The following CDYL2 variants were observed in gnomAD, a reference collection of about 807,000 sequenced individuals.
CDYL2 encodes the protein chromodomain Y-like protein 2.
Under a neutral mutation model 49.4 loss-of-function variants are expected in CDYL2, and 23 were observed. The ratio of observed to expected loss-of-function variants is 0.47; its 90% confidence interval spans 0.34 to 0.66. CDYL2 has a LOEUF of 0.66. CDYL2 is among the 30% of genes least tolerant of loss of function. The probability of loss-of-function intolerance (pLI) is 0.01; values close to 1 mark genes in which losing one functional copy is unlikely to be tolerated. For synonymous variants in CDYL2, 360 were observed against 268.8 expected (o/e 1.34, Z -3.32); for missense variants, 678 against 656.4 (o/e 1.03, Z -0.36).
At chr16:80,639,849 G>T (rs1368429425) in intron 2 of CDYL2, 3 of 397,744 alleles carry the variant, frequency 7.5e-6, no homozygotes, top group Non-Finnish European at 1.5e-5. Context: ...ACTCACTGTT[G>T]TCCTGTTATA....
chr16:80,612,974 C>T lies in CDYL2; in HGVS notation c.1008-138G>A. ...GAGGTGCCAGGCAAGGGCCTCATTG[C>T]CTGGACATGGAACCACCAGCTGTCA... On this transcript the variant is annotated intron_variant, in intron 4 of 6. Transcript: ENST00000570137. The surrounding 1 kb of genome is among the most constrained non-coding windows in gnomAD (Gnocchi z 5.0). The T allele has an allele frequency of 1.4e-6, 1 of 692,226 alleles. No individual in the cohort carries two copies. Among genetic ancestry groups the T allele is most frequent in the Non-Finnish European group, 2.3e-6 (1 of 427,524 alleles). The allele number at this position is 692,226 out of a possible 1,614,324, so 42.9% of individuals were successfully genotyped here.
At chr16:80,691,844 C>T (rs767985808) in intron 1 of CDYL2, among the ~76,000 whole-genome samples, 1 of 151,866 alleles carries the variant, frequency 6.6e-6, no homozygotes, top group Admixed American at 6.6e-5. Flanking sequence ...ATGAAAAAAA[C>T]GATTCATTTA....
chr16:80,650,473 T>A (rs1287384753), intron 2 of CDYL2, among the ~76,000 whole-genome samples: 1 of 152,106 alleles, frequency 6.6e-6, no homozygotes, highest in Non-Finnish European at 1.5e-5. Flanking sequence ...CAGTAACAAA[T>A]GCAGGAGAGG....
rs1910126459 is a variant in CDYL2, at chr16:80,684,938, G to A, written c.216C>T (p.Ser72=). The A allele has an allele frequency of 1.2e-6, 2 of 1,614,180 alleles. No individual in the cohort carries two copies. ...KDKRIKSGKQ[S]STSKLLRDSR... ...TGTCACGCAGCAGCTTGGAGGTACTGGACTGCTTCCCTGACTTGATCCTCT... is the reference window on the plus strand; with the variant it reads ...TGTCACGCAGCAGCTTGGAGGTACTAGACTGCTTCCCTGACTTGATCCTCT... Residue 72 remains serine, a synonymous_variant, in exon 2 of 7, where the codon TCC becomes TCT. Coordinates refer to ENST00000570137, the MANE Select transcript of CDYL2 (RefSeq NM_152342.4).
intron 1 of CDYL2, among the ~76,000 whole-genome samples, chr16:80,770,238 T>C (rs1906861481): frequency 6.6e-6 from 1 of 152,218 alleles, no homozygotes; most frequent in Non-Finnish European, 1.5e-5. Flanking sequence ...AGGACTTTAC[T>C]GCAGATTAAA....
chr16:80,763,329 G>C (rs796378319), intron 1 of CDYL2, among the ~76,000 whole-genome samples: 12 of 2,214 alleles, frequency 5.4e-3, no homozygotes, highest in Non-Finnish European at 0.011. Flanking sequence ...TTTTCACCAG[G>C]GCTGGGTGAG....
chr16:80,613,398 G>C (rs1379546458), intron 4 of CDYL2, among the ~76,000 whole-genome samples: 1 of 152,184 alleles, frequency 6.6e-6, no homozygotes, highest in Non-Finnish European at 1.5e-5. Context: ...TCAAGCTTCA[G>C]ATGGTGGGTA....
intron 2 of CDYL2, among the ~76,000 whole-genome samples, chr16:80,676,963 A>ATTTTTTTT (rs35188796): frequency 3.3e-5 from 2 of 60,086 alleles, no homozygotes; most frequent in Admixed American, 1.9e-4. Context: ...AATTCAATGT[A>ATTTTTTTT]TTTTTTTTTT....
At chr16:80,803,858 C>T (rs1027074544) in intron 1 of CDYL2, among the ~76,000 whole-genome samples, 1 of 146,930 alleles carries the variant, frequency 6.8e-6, no homozygotes, top group African/African-American at 2.5e-5. Flanking sequence ...CGGCTCCGCC[C>T]GGCTTCCTCC....
chr16:80,782,530 G>GAAAAA (rs1188248662), intron 1 of CDYL2, among the ~76,000 whole-genome samples: 3 of 35,790 alleles, frequency 8.4e-5, no homozygotes, highest in Non-Finnish European at 1.2e-4. Context: ...GACATAAGGA[G>GAAAAA]AAAAAAAAAA....
chr16:80,721,920 G>A (rs953634386), intron 1 of CDYL2, among the ~76,000 whole-genome samples: 15 of 152,146 alleles, frequency 9.9e-5, no homozygotes, highest in African/African-American at 3.6e-4. Context: ...TGTATTCCAG[G>A]CACAGCGACG....
At position 80,774,158 on chromosome 16, in the gene CDYL2, A is replaced by C. The variant is rs190550750; in HGVS notation, c.24+29992T>G. Among the ~76,000 whole-genome samples the C allele has an allele frequency of 7.9e-5, 12 of 152,318 alleles. No homozygotes were observed. In the East Asian group the frequency reaches 2.3e-3, roughly 29 times the overall value. ...ACACAAGGAAAATAACAGAAATCAG[A>C]AGTGACAAAAACAAAGAAAATTTAT... On this transcript the variant is annotated intron_variant, in intron 1 of 6. Coordinates refer to ENST00000570137, the MANE Select transcript of CDYL2 (RefSeq NM_152342.4).
chr16:80,696,259 G>C (rs1910609160), intron 1 of CDYL2, among the ~76,000 whole-genome samples: 2 of 152,146 alleles, frequency 1.3e-5, no homozygotes, highest in African/African-American at 4.8e-5. Context: ...TACTAAGAGA[G>C]AAGGTAATAG....
intron 1 of CDYL2, among the ~76,000 whole-genome samples, chr16:80,765,227 C>T (rs567357738): frequency 1.3e-5 from 2 of 148,690 alleles, no homozygotes; most frequent in South Asian, 4.2e-4. Flanking sequence ...ATCTTGCATA[C>T]ATGATTTCCT....
intron 1 of CDYL2, among the ~76,000 whole-genome samples, chr16:80,786,559 T>C (rs917571570): frequency 6.6e-6 from 1 of 152,176 alleles, no homozygotes; most frequent in Non-Finnish European, 1.5e-5. Context: ...AGTGTGGCAA[T>C]TCCTCAAGGA....
chr16:80,746,184 T>A (rs1905923940), intron 1 of CDYL2, among the ~76,000 whole-genome samples: 2 of 152,084 alleles, frequency 1.3e-5, no homozygotes, highest in Admixed American at 1.3e-4. Context: ...TAAGGGCAAT[T>A]ACTCCCCATT....
At chr16:80,699,800 T>A (rs1904291530) in intron 1 of CDYL2, among the ~76,000 whole-genome samples, 2 of 152,218 alleles carry the variant, frequency 1.3e-5, no homozygotes, top group South Asian at 2.1e-4. Context: ...AATTATTATG[T>A]GTCAAAAACT....
At chr16:80,727,407 C>T (rs1905198937) in intron 1 of CDYL2, among the ~76,000 whole-genome samples, 2 of 152,246 alleles carry the variant, frequency 1.3e-5, no homozygotes, top group South Asian at 4.1e-4. Context: ...AAAAACGGCG[C>T]ACCAGGAGAT....
intron 1 of CDYL2, among the ~76,000 whole-genome samples, chr16:80,772,031 T>G (rs909715102): frequency 6.6e-6 from 1 of 152,028 alleles, no homozygotes; most frequent in Non-Finnish European, 1.5e-5. Flanking sequence ...AATATTAACT[T>G]CACAAATTCA....
Sources: gnomAD v4.1 joint callset for allele counts (sites outside exome capture counted in the v4.1 genomes callset) on GRCh38, gnomAD v4.1.1 for gene constraint, Gnocchi (gnomAD v3.1) non-coding constraint, MANE v1.5 for transcripts, NCBI Gene and HGNC (gene_info 2026-07-23, HGNC 2026-07-21) for gene names.